Variants in FUBP1 observed in about 807,000 individuals in gnomAD.
FUBP1 encodes far upstream element binding protein 1, also known as far upstream element-binding protein 1.
A neutral mutation model predicts 94.9 loss-of-function variants in FUBP1; 16 were observed. The ratio of observed to expected loss-of-function variants is 0.17; its 90% CI spans 0.11 to 0.26. FUBP1 has a LOEUF of 0.26. Ranked by LOEUF, FUBP1 falls within the 10% of genes least tolerant of loss-of-function variation. FUBP1 has a pLI of 1.00. For synonymous variants in FUBP1, 279 were observed against 254.9 expected (o/e 1.09, Z -0.90); for missense variants, 583 against 808.6 (o/e 0.72, Z 3.38).
At chr1:77,955,958 T>C (rs1654378431) in intron 17 of FUBP1, among the ~76,000 whole-genome samples, 1 of 152,140 alleles carries the variant, frequency 6.6e-6, no homozygotes, top group Non-Finnish European at 1.5e-5. Flanking sequence ...CCAGACAGTA[T>C]GGAAGTGCTT....
At position 77,978,846 on chromosome 1, in the gene FUBP1, C is replaced by T. The variant is rs890948646; in HGVS notation, c.120+39G>A. On this transcript the variant is annotated intron_variant, in intron 1 of 19. Coordinates refer to ENST00000370768, the MANE Select transcript of FUBP1 (RefSeq NM_003902.5). Reference sequence around the variant, plus strand: ...GCCTACTCAGTCAGCGGCCAATTACCGTGAGCTTTCGGGATTCCGCCGCGC... The same window carrying T: ...GCCTACTCAGTCAGCGGCCAATTACTGTGAGCTTTCGGGATTCCGCCGCGC... 5.0e-6 allele frequency: 8 copies of T among 1,612,792 alleles called. No individual in the cohort carries two copies. In the African/African-American group the frequency reaches 9.3e-5, roughly 19 times the overall value.
At chr1:77,968,072 C>A in intron 3 of FUBP1, 93 bp downstream of exon 3, 4 of 768,632 alleles carry the variant, frequency 5.2e-6, no homozygotes, top group South Asian at 1.9e-5. Flanking sequence ...ACTCATAAAC[C>A]AACTAACTTC....
rs890481319 is a variant in FUBP1 at position 77,944,948 on chromosome 1, A to T, written c.*3818T>A. The stretch of plus-strand genomic sequence containing the variant: ...CTAAGCTGTCTTAAAAAAAACTAAA[A>T]ACATTGTCAAATTTTTGTTTAAGTG... On this transcript the variant is annotated 3_prime_UTR_variant, in exon 20 of 20. Coordinates refer to ENST00000370768, the MANE Select transcript of FUBP1 (RefSeq NM_003902.5). 1.3e-5 allele frequency among the ~76,000 whole-genome samples: 2 copies of T among 151,974 alleles called. No homozygotes were observed. The highest frequency in any genetic ancestry group is 6.6e-5 in the Admixed American group (1 of 15,258).
Sources: gnomAD v4.1 joint callset for allele counts (sites outside exome capture counted in the v4.1 genomes callset) on GRCh38, gnomAD v4.1.1 for gene constraint, MANE v1.5 for transcripts, NCBI Gene and HGNC (gene_info 2026-07-23, HGNC 2026-07-21) for gene names.